Variants in FGF14 observed in about 807,000 individuals in gnomAD.
FGF14 encodes the protein fibroblast growth factor 14.
A neutral mutation model predicts 25.5 loss-of-function variants in FGF14; 5 were observed. The ratio of observed to expected loss-of-function variants is 0.20; its 90% CI spans 0.10 to 0.41. The LOEUF is 0.41. Among genes scored for constraint, FGF14 ranks in the 10% least tolerant of loss-of-function variants. The pLI is 1.00. For missense variants in FGF14, 222 were observed against 320.1 expected (o/e 0.69, Z 2.34); for synonymous variants, 138 against 118.3 (o/e 1.17, Z -1.08).
chr13:102,141,833 G>GT (rs370582018), intron 1 of FGF14, among the ~76,000 whole-genome samples: 131 of 152,276 alleles, frequency 8.6e-4, no homozygotes, highest in African/African-American at 2.8e-3. Context: ...AAATAAGGCT[G>GT]TTTTCTGGGA....
intron 1 of FGF14, among the ~76,000 whole-genome samples, chr13:102,161,640 G>GAAGAAGAAGA (rs2047723239): frequency 9.8e-5 from 1 of 10,226 alleles, no homozygotes; most frequent in Non-Finnish European, 2.0e-4. Flanking sequence ...AGAAGAAGAA[G>GAAGAAGAAGA]AAGAAGAAGA....
chr13:101,937,991 G>C (rs529416082), intron 1 of FGF14, among the ~76,000 whole-genome samples: 1 of 152,268 alleles, frequency 6.6e-6, no homozygotes, highest in South Asian at 2.1e-4. Flanking sequence ...CAACCCTTCT[G>C]TTAAAAGAAA....
rs538325776 is a variant in FGF14, at chr13:102,243,048, A to G, written c.208+158423T>C. Among the ~76,000 whole-genome samples the G allele has an allele frequency of 7.2e-5, 11 of 152,210 alleles. No individual in the cohort carries two copies. In the South Asian group the frequency reaches 2.3e-3, roughly 32 times the overall value. On this transcript the variant is annotated intron_variant, in intron 1 of 4. Transcript: ENST00000376131. Reference sequence around the variant, plus strand: ...CCATAAAACCTCAGTTATGTACTCCACCATTCCTTTTTTCTCATTTCCTCA... The same window carrying G: ...CCATAAAACCTCAGTTATGTACTCCGCCATTCCTTTTTTCTCATTTCCTCA...
At chr13:102,073,874 G>T (rs1027373024) in intron 1 of FGF14, among the ~76,000 whole-genome samples, 3 of 152,190 alleles carry the variant, frequency 2.0e-5, no homozygotes, top group African/African-American at 7.2e-5. Context: ...GCTAAGGAAA[G>T]ATCTTGATGA....
chr13:102,100,737 C>T (rs935059919), intron 1 of FGF14, among the ~76,000 whole-genome samples: 12 of 152,336 alleles, frequency 7.9e-5, no homozygotes, highest in South Asian at 2.1e-4. Flanking sequence ...TCATTTGTTA[C>T]ATTCTGCAAC....
chr13:102,273,752 C>G (rs1594670465), intron 1 of FGF14, among the ~76,000 whole-genome samples: 1 of 151,856 alleles, frequency 6.6e-6, no homozygotes, highest in Non-Finnish European at 1.5e-5. Flanking sequence ...TAGGACCAGC[C>G]TGGCAACATA....
intron 1 of FGF14, among the ~76,000 whole-genome samples, chr13:102,080,876 G>A (rs777899902): frequency 1.3e-5 from 2 of 152,196 alleles, no homozygotes; most frequent in Non-Finnish European, 2.9e-5. Context: ...ACTCTCAGCA[G>A]AAAGCTATGG....
intron 1 of FGF14, among the ~76,000 whole-genome samples, chr13:102,064,430 G>A (rs1482186707): frequency 5.3e-5 from 8 of 151,974 alleles, no homozygotes; most frequent in Non-Finnish European, 1.0e-4. Context: ...AAAAACATAA[G>A]TTGTTTAATA....
chr13:101,727,948 G>A (rs2035553023), intron 3 of FGF14, among the ~76,000 whole-genome samples: 1 of 151,970 alleles, frequency 6.6e-6, no homozygotes, highest in Non-Finnish European at 1.5e-5. Context: ...TTTTATTATT[G>A]CAGAAAATAA....
chr13:101,939,780 T>A (rs2035324887), intron 1 of FGF14, among the ~76,000 whole-genome samples: 1 of 152,182 alleles, frequency 6.6e-6, no homozygotes, highest in Non-Finnish European at 1.5e-5. Context: ...TTGTATTTAA[T>A]CTAGTTTATT....
At chr13:102,254,974 C>T (rs767563483) in intron 1 of FGF14, among the ~76,000 whole-genome samples, 1 of 152,120 alleles carries the variant, frequency 6.6e-6, no homozygotes, top group Non-Finnish European at 1.5e-5. Context: ...TGATCATCTG[C>T]GACAGTTTAA....
At position 101,722,863 on chromosome 13, in the gene FGF14, C is replaced by T. The variant is rs767591397; in HGVS notation, c.712G>A (p.Gly238Ser). The change falls in exon 5 of 5, where the codon GGC (glycine) becomes AGC (serine). Residue 238 changes from glycine to serine, a missense_variant. Gly to Ser is a moderately conservative substitution (Grantham distance 56). Around this residue, in one of 5 missense-constraint regions of FGF14, gnomAD observed 66 missense variants for 90.3 expected, o/e 0.73. Coordinates refer to ENST00000376143, the MANE Select transcript of FGF14 (RefSeq NM_004115.4). Reference sequence around the variant, plus strand: ...GTCTTACTCTTGTTGACTGGTTTGCCTCCATTCATTATTGCAGACGCACTT... The same window carrying T: ...GTCTTACTCTTGTTGACTGGTTTGCTTCCATTCATTATTGCAGACGCACTT... ...STSASAIMNG[G>S]KPVNKSKTT is the part of the protein sequence containing the mutation. 21 of 1,613,212 alleles carry T rather than the reference C, an allele frequency of 1.3e-5. No individual in the cohort carries two copies. In the Admixed American group the frequency reaches 3.3e-4, roughly 26 times the overall value.
chr13:102,130,994 T>C (rs1365079849), intron 1 of FGF14, among the ~76,000 whole-genome samples: 1 of 152,210 alleles, frequency 6.6e-6, no homozygotes, highest in East Asian at 1.9e-4. Flanking sequence ...AGTGAATAAA[T>C]GCATAGCAAA....
chr13:102,085,984 A>G (rs1242529878), intron 1 of FGF14, among the ~76,000 whole-genome samples: 1 of 152,230 alleles, frequency 6.6e-6, no homozygotes, highest in Non-Finnish European at 1.5e-5. Context: ...GTAGCTAAAA[A>G]TAAATGGCTA....
At chr13:102,146,537 G>A (rs144123782) in intron 1 of FGF14, among the ~76,000 whole-genome samples, 138 of 152,108 alleles carry the variant, frequency 9.1e-4, no homozygotes, top group African/African-American at 3.1e-3. Context: ...AATAAATACC[G>A]TAGCTAGAAG....
intron 2 of FGF14, among the ~76,000 whole-genome samples, chr13:101,872,995 C>T (rs574775199): frequency 4.0e-5 from 6 of 151,518 alleles, no homozygotes; most frequent in South Asian, 4.2e-4. Flanking sequence ...AAGATTCGTT[C>T]TGAGTTTTTG....
In FGF14 at chr13:102,000,634, G is replaced by A. The variant is rs182167820; in HGVS notation, c.209-125338C>T. Among the ~76,000 whole-genome samples the A allele has an allele frequency of 5.5e-3, 842 of 152,284 alleles. 5 individuals are homozygous for A. Among genetic ancestry groups the A allele is most frequent in the Non-Finnish European group, 8.7e-3 (589 of 68,006 alleles). On this transcript the variant is annotated intron_variant, in intron 1 of 4. Transcript: ENST00000376131. ...TCCAGCAAGGAAATATTCTGAGCTG[G>A]CTTTATCTAGTCCATACTTTTTGCT... is the stretch of plus-strand genomic sequence containing the variant.
chr13:102,204,752 G>A (rs902312106), intron 1 of FGF14, among the ~76,000 whole-genome samples: 1 of 151,942 alleles, frequency 6.6e-6, no homozygotes, highest in African/African-American at 2.4e-5. Flanking sequence ...TCACCATGTT[G>A]GCCACGCTAG....
chr13:102,209,084 G>A (rs1053177072), intron 1 of FGF14, among the ~76,000 whole-genome samples: 6 of 152,204 alleles, frequency 3.9e-5, no homozygotes, highest in East Asian at 1.9e-4. Context: ...TTGCGAGGAC[G>A]CGAGGAAGGC....
Sources: gnomAD v4.1 joint callset for allele counts (sites outside exome capture counted in the v4.1 genomes callset) on GRCh38, gnomAD v4.1.1 for gene constraint, gnomAD v4.1.1 regional missense constraint, MANE v1.5 for transcripts, NCBI Gene and HGNC (gene_info 2026-07-23, HGNC 2026-07-21) for gene names.